SDK1: variants seen among roughly 807,000 people sequenced by gnomAD.
SDK1 encodes sidekick cell adhesion molecule 1, also known as protein sidekick-1.
Under a neutral mutation model 245.5 loss-of-function variants are expected in SDK1, and 157 were observed. The ratio of observed to expected loss-of-function variants is 0.64; its 90% CI spans 0.56 to 0.73. The LOEUF (loss-of-function observed/expected upper bound fraction) is 0.73. Ranked by LOEUF, SDK1 falls within the 30% of genes least tolerant of loss-of-function variation. The pLI, the probability that SDK1 is intolerant of heterozygous loss-of-function variation, is 0.00. For missense variants in SDK1, 3,583 were observed against 3,002.3 expected (o/e 1.19, Z -4.52); for synonymous variants, 1,647 against 1,278.5 (o/e 1.29, Z -6.15).
chr7:4,074,234 G>A (rs1439825034), intron 20 of SDK1, among the ~76,000 whole-genome samples: 2 of 152,156 alleles, frequency 1.3e-5, no homozygotes, highest in Non-Finnish European at 2.9e-5. Flanking sequence ...GACAACTGAG[G>A]GATTGGGGGA....
rs562350086 is a variant in SDK1 at position 4,129,774 on chromosome 7, C to A, written c.3940-134C>A. ...GCATGGACAAATTAGATCCAGAAGC[C>A]CTGCACACAGCCATCCTCAGGGAGA... On this transcript the variant is annotated intron_variant, in intron 26 of 44. Transcript: ENST00000404826. 2,117 of 1,502,260 alleles carry A rather than the reference C, an allele frequency of 1.4e-3. 5 individuals are homozygous for A. The highest frequency in any genetic ancestry group is 1.8e-3 in the Non-Finnish European group (2,018 of 1,131,036). The allele number at this position is 1,502,260 out of a possible 1,614,324, so 93.1% of individuals were successfully genotyped here. A position where few individuals can be genotyped will look rare whatever the true frequency, so the allele number is the denominator to read the frequency against.
At chr7:3,563,333 G>A (rs1779808337) in intron 1 of SDK1, among the ~76,000 whole-genome samples, 1 of 152,014 alleles carries the variant, frequency 6.6e-6, no homozygotes, top group African/African-American at 2.4e-5. Context: ...TCTCAGATGG[G>A]GCGGAAAAAC....
intron 1 of SDK1, among the ~76,000 whole-genome samples, chr7:3,516,331 C>A (rs1276227480): frequency 6.6e-6 from 1 of 151,846 alleles, no homozygotes; most frequent in Admixed American, 6.6e-5. Context: ...CACAGACAAA[C>A]CCCAGGAATG....
intron 30 of SDK1, among the ~76,000 whole-genome samples, chr7:4,158,191 C>T (rs1278129449): frequency 6.6e-6 from 1 of 152,218 alleles, no homozygotes; most frequent in East Asian, 1.9e-4. Context: ...CTGAGGATTT[C>T]AACCGTCCAG....
intron 5 of SDK1, among the ~76,000 whole-genome samples, chr7:3,879,242 G>C (rs1391080406): frequency 1.3e-5 from 2 of 152,160 alleles, no homozygotes; most frequent in Non-Finnish European, 2.9e-5. Context: ...AAGAGTGTGT[G>C]ATTAGGATGA....
chr7:3,614,758 A>G (rs1583229180), intron 1 of SDK1, among the ~76,000 whole-genome samples: 2 of 152,314 alleles, frequency 1.3e-5, no homozygotes, highest in African/African-American at 4.8e-5. Context: ...TGTCGTTATG[A>G]TTTTAATTTG....
chr7:3,920,110 CGGT>C (rs1562537598), intron 5 of SDK1, among the ~76,000 whole-genome samples: 3 of 152,136 alleles, frequency 2.0e-5, no homozygotes, highest in Non-Finnish European at 4.4e-5. Flanking sequence ...TCAGGAATGG[CGGT>C]GAGTTCACCC....
chr7:4,247,483 T>C (rs1403713480), intron 44 of SDK1, among the ~76,000 whole-genome samples: 1 of 152,220 alleles, frequency 6.6e-6, no homozygotes, highest in Non-Finnish European at 1.5e-5. Flanking sequence ...AGAAAAAGCT[T>C]ATCAGAAGCT....
At chr7:4,202,538 C>T (rs1783948493) in intron 35 of SDK1, among the ~76,000 whole-genome samples, 1 of 152,186 alleles carries the variant, frequency 6.6e-6, no homozygotes, top group African/African-American at 2.4e-5. Context: ...GTGCAGTCCT[C>T]CCTCAGTTGG....
intron 37 of SDK1, among the ~76,000 whole-genome samples, chr7:4,209,560 G>C (rs559118040): frequency 5.3e-5 from 8 of 152,176 alleles, no homozygotes; most frequent in Non-Finnish European, 1.2e-4. Context: ...GAGATTTCAC[G>C]TGCAGGAGCC....
chr7:4,006,893 G>C (rs1037193822), intron 14 of SDK1, among the ~76,000 whole-genome samples: 7 of 152,236 alleles, frequency 4.6e-5, no homozygotes, highest in Non-Finnish European at 8.8e-5. Context: ...GATCAGGCAG[G>C]GCCAGGCTGG....
rs758163135 is a variant in SDK1 at position 4,049,357 on chromosome 7, C to T, written c.2612C>T (p.Ala871Val). The change falls in exon 18 of 45, where the codon GCG becomes GTG. Residue 871 changes from alanine to valine, a missense_variant. By Grantham distance (64) the Ala-to-Val change is moderately conservative. Coordinates refer to ENST00000404826, the MANE Select transcript of SDK1 (RefSeq NM_152744.4). ...GACTGCCCTGCCACAGTGCCCACCG[C>T]GCCCCCGCAGAACGTGCAGACGGAA... ...TEYTLQGVPT[A>V]PPQNVQTEAV... 5.0e-6 allele frequency: 8 copies of T among 1,613,904 alleles called. No homozygotes were observed. The highest frequency in any genetic ancestry group is 1.1e-5 in the South Asian group (1 of 91,082).
At chr7:3,861,607 A>T (rs370916120) in intron 5 of SDK1, among the ~76,000 whole-genome samples, 10 of 152,194 alleles carry the variant, frequency 6.6e-5, no homozygotes, top group African/African-American at 2.2e-4. Flanking sequence ...ACCAGAAGGG[A>T]TGTCTGTTAA....
At chr7:3,820,952 C>G (rs1250216016) in intron 4 of SDK1, among the ~76,000 whole-genome samples, 2 of 152,244 alleles carry the variant, frequency 1.3e-5, no homozygotes, top group Non-Finnish European at 2.9e-5. Flanking sequence ...GGGGGCAGCA[C>G]TGTGCCCATT....
chr7:3,365,675 A>T (rs557441069), intron 1 of SDK1, among the ~76,000 whole-genome samples: 1 of 152,224 alleles, frequency 6.6e-6, no homozygotes, highest in Non-Finnish European at 1.5e-5. Flanking sequence ...TGAAGGGCAT[A>T]GTCCTTTCAA....
At chr7:3,655,448 A>AATAT (rs1194322286) in intron 4 of SDK1, among the ~76,000 whole-genome samples, 93 of 66,220 alleles carry the variant, frequency 1.4e-3, no homozygotes, top group Non-Finnish European at 1.5e-3. Context: ...AAACAAAACA[A>AATAT]ATATATATAT....
At chr7:3,682,813 A>T (rs185045615) in intron 4 of SDK1, among the ~76,000 whole-genome samples, 169 of 151,778 alleles carry the variant, frequency 1.1e-3, no homozygotes, top group African/African-American at 3.4e-3. Context: ...ATCTCAGCTC[A>T]CTGCAACCCC....
rs535294331 is a variant in SDK1 at position 3,491,548 on chromosome 7, G to T, written c.299-127532G>T. Reference sequence around the variant, plus strand: ...CTTTTTCCCCTATTCATAAACCATTGTGATCGCAGTCTTCTATAGAAATTA... The same window carrying T: ...CTTTTTCCCCTATTCATAAACCATTTTGATCGCAGTCTTCTATAGAAATTA... On this transcript the variant is annotated intron_variant, in intron 1 of 44. Coordinates refer to ENST00000404826, the MANE Select transcript of SDK1 (RefSeq NM_152744.4). Among the ~76,000 whole-genome samples, 79 of 152,294 alleles carry T rather than the reference G, an allele frequency of 5.2e-4. 1 individual carries two copies. Among genetic ancestry groups the T allele is most frequent in the African/African-American group, 1.8e-3 (74 of 41,550 alleles).
At chr7:3,884,179 C>G (rs746933140) in intron 5 of SDK1, among the ~76,000 whole-genome samples, 1 of 151,686 alleles carries the variant, frequency 6.6e-6, no homozygotes, top group African/African-American at 2.4e-5. Flanking sequence ...CTCCTGGGCT[C>G]AAGCGATCCT....
Sources: allele counts gnomAD v4.1 joint callset (sites outside exome capture counted in the v4.1 genomes callset), GRCh38; gene constraint gnomAD v4.1.1; transcripts MANE v1.5; gene names NCBI Gene and HGNC (gene_info 2026-07-23, HGNC 2026-07-21).